Variants in AGO3 observed in about 807,000 individuals in gnomAD.
The protein encoded by AGO3 is argonaute RISC catalytic component 3.
AGO3 carries 16 observed loss-of-function variants against 105.5 expected under a neutral mutation model. The ratio of observed to expected loss-of-function variants is 0.15; its 90% CI spans 0.10 to 0.23. The LOEUF (loss-of-function observed/expected upper bound fraction) is 0.23. AGO3 is among the 10% of genes least tolerant of loss of function. The probability of loss-of-function intolerance (pLI) is 1.00; values close to 1 mark genes in which losing one functional copy is unlikely to be tolerated. For missense variants in AGO3, 534 were observed against 1,088.0 expected, an observed-to-expected ratio of 0.49 and a Z score of 7.16; for synonymous variants, 340 against 367.3, an observed-to-expected ratio of 0.93 and a Z score of 0.85.
At position 35,965,351 on chromosome 1, in the gene AGO3, G is replaced by A. The variant is rs188533401; in HGVS notation, c.192-1604G>A. Among the ~76,000 whole-genome samples the A allele has an allele frequency of 6.8e-3, 1,039 of 151,908 alleles. 8 individuals are homozygous for A. The highest frequency in any genetic ancestry group is 0.024 in the African/African-American group (983 of 41,436). On this transcript the variant is annotated intron_variant, in intron 2 of 18. Coordinates refer to ENST00000373191, the MANE Select transcript of AGO3 (RefSeq NM_024852.4). ...CTAAAAATACAAAACTTAGCTGGAC[G>A]TGATGGTGCATGCCTGTAATCTCAG... is the stretch of plus-strand genomic sequence containing the variant.
At chr1:36,044,497 C>T (rs540181132) in intron 17 of AGO3, among the ~76,000 whole-genome samples, 2 of 152,114 alleles carry the variant, frequency 1.3e-5, no homozygotes, top group East Asian at 3.9e-4. Context: ...GATCTCGGCT[C>T]ACTGCAAGCT....
chr1:35,983,956 G>A (rs1647109780), intron 5 of AGO3, among the ~76,000 whole-genome samples: 4 of 152,176 alleles, frequency 2.6e-5, no homozygotes, highest in Admixed American at 2.6e-4. Flanking sequence ...GAAAGTAAGA[G>A]TGTTGGGACT....
intron 17 of AGO3, among the ~76,000 whole-genome samples, chr1:36,046,190 C>T (rs1431721296): frequency 6.6e-6 from 1 of 152,168 alleles, no homozygotes; most frequent in East Asian, 1.9e-4. Flanking sequence ...TGATACTGTG[C>T]TCCACCCACT....
At chr1:35,943,936 A>G (rs1384194569) in intron 1 of AGO3, among the ~76,000 whole-genome samples, 1 of 152,144 alleles carries the variant, frequency 6.6e-6, no homozygotes, top group Non-Finnish European at 1.5e-5. Context: ...CTTCAAAGTT[A>G]ATCATGTTTT....
intron 6 of AGO3, 98 bp downstream of exon 6, chr1:36,004,573 C>T: frequency 9.1e-7 from 1 of 1,098,404 alleles, no homozygotes; most frequent in Admixed American, 3.2e-5. Context: ...ATCTATGTAA[C>T]ATAACCAGTA....
intron 15 of AGO3, 131 bp from the exon 16 acceptor site, chr1:36,040,176 C>A: frequency 8.4e-7 from 1 of 1,185,862 alleles, no homozygotes; most frequent in Non-Finnish European, 1.2e-6. Context: ...TTCTAATAAT[C>A]GTTAAAATGG....
chr1:35,998,114 T>C (rs1639925464), intron 5 of AGO3, among the ~76,000 whole-genome samples: 1 of 152,178 alleles, frequency 6.6e-6, no homozygotes, highest in African/African-American at 2.4e-5. Context: ...CCCACTGATA[T>C]TTTGAACATT....
intron 5 of AGO3, among the ~76,000 whole-genome samples, chr1:35,977,884 G>A (rs978988106): frequency 2.0e-5 from 3 of 151,774 alleles, no homozygotes; most frequent in Non-Finnish European, 4.4e-5. Flanking sequence ...AAAAAAAGAC[G>A]GTATGGCATC....
intron 6 of AGO3, among the ~76,000 whole-genome samples, chr1:36,006,254 A>G (rs1227160441): frequency 1.3e-5 from 2 of 152,118 alleles, no homozygotes; most frequent in African/African-American, 2.4e-5. Flanking sequence ...TTAAATAATG[A>G]CACAAAGTGT....
rs372105044 is a variant in AGO3, at chr1:35,973,874, A to G, written c.658+363A>G. Among the ~76,000 whole-genome samples, 17 of 152,314 alleles carry G rather than the reference A, an allele frequency of 1.1e-4. No homozygotes were observed. The East Asian group carries it at 1.5e-3, about 14-fold the overall frequency. On this transcript the variant is annotated intron_variant, in intron 5 of 18. Coordinates refer to ENST00000373191, the MANE Select transcript of AGO3 (RefSeq NM_024852.4). ...TTGGGCATGGTGACCCCCAGATGTT[A>G]TACCCACTGCTGGTCTTAATGTGAT...
Position 36,027,422 on chromosome 1 carries a change from G to T in AGO3, c.1591+124G>T. The T allele has an allele frequency of 1.1e-6, 1 of 947,414 alleles. No homozygotes were observed. The highest frequency in any genetic ancestry group is 1.5e-6 in the Non-Finnish European group (1 of 681,284). The allele number at this position is 947,414 out of a possible 1,614,324, so 58.7% of individuals were successfully genotyped here. On this transcript the variant is annotated intron_variant, in intron 12 of 18. Coordinates refer to ENST00000373191, the MANE Select transcript of AGO3 (RefSeq NM_024852.4). This position sits in a 1 kb window ranked among gnomAD's most constrained non-coding sequence, Gnocchi z 4.0. ...TTTATGATACAGTATTTAAAACCAT[G>T]TATTATTACTTGAAGACAAATTAAT...
At chr1:35,930,962 G>A (rs1205091432), upstream of AGO3, 2 of 319,068 alleles carry the variant, frequency 6.3e-6, no homozygotes, top group Non-Finnish European at 1.1e-5. Flanking sequence ...CCGGCTCCCG[G>A]ACACCTCCCC....
chr1:35,971,709 A>G (rs1362455890), intron 3 of AGO3, among the ~76,000 whole-genome samples: 1 of 152,032 alleles, frequency 6.6e-6, no homozygotes, highest in African/African-American at 2.4e-5. Flanking sequence ...AATCTTTTGT[A>G]CTTTGCTTTT....
At chr1:35,983,591 A>T (rs1207499422) in intron 5 of AGO3, among the ~76,000 whole-genome samples, 1 of 151,950 alleles carries the variant, frequency 6.6e-6, no homozygotes, top group African/African-American at 2.4e-5. Flanking sequence ...CATCTCAAAA[A>T]TAAATAAATA....
At chr1:36,000,813 A>T (rs1004510194) in intron 5 of AGO3, among the ~76,000 whole-genome samples, 13 of 151,432 alleles carry the variant, frequency 8.6e-5, no homozygotes, top group Non-Finnish European at 1.8e-4. Context: ...TGAGTAAGAT[A>T]CCCAGAATAC....
intron 16 of AGO3, among the ~76,000 whole-genome samples, chr1:36,041,092 A>AT (rs1252571950): frequency 2.0e-5 from 3 of 151,532 alleles, no homozygotes; most frequent in Middle Eastern, 6.9e-3. Context: ...AAAAAAAAAA[A>AT]AAGTGGAAAT....
intron 5 of AGO3, among the ~76,000 whole-genome samples, chr1:35,996,004 A>T (rs957359877): frequency 6.6e-5 from 10 of 152,126 alleles, no homozygotes; most frequent in Non-Finnish European, 1.2e-4. Flanking sequence ...ATTGAAAACC[A>T]TTGCAATTAA....
At chr1:36,029,864 TG>T (rs1326061892) in intron 12 of AGO3, among the ~76,000 whole-genome samples, 1 of 151,810 alleles carries the variant, frequency 6.6e-6, no homozygotes, top group Non-Finnish European at 1.5e-5. Context: ...GGCTAATTTT[TG>T]TATTTTTAGT....
At chr1:35,979,245 T>G (rs1025866443) in intron 5 of AGO3, among the ~76,000 whole-genome samples, 2 of 151,978 alleles carry the variant, frequency 1.3e-5, no homozygotes, top group Non-Finnish European at 2.9e-5. Flanking sequence ...GCATCTGTAG[T>G]CCCAGCTACT....
Sources: allele counts gnomAD v4.1 joint callset (sites outside exome capture counted in the v4.1 genomes callset), GRCh38; gene constraint gnomAD v4.1.1; non-coding constraint Gnocchi (gnomAD v3.1); transcripts MANE v1.5; gene names NCBI Gene and HGNC (gene_info 2026-07-23, HGNC 2026-07-21).